IQGAP2: variants seen among roughly 807,000 people sequenced by gnomAD.
IQGAP2 encodes the protein IQ motif containing GTPase activating protein 2.
A neutral mutation model predicts 201.3 loss-of-function variants in IQGAP2; 173 were observed. The ratio of observed to expected loss-of-function variants is 0.86; its 90% confidence interval spans 0.76 to 0.98. IQGAP2 has a LOEUF of 0.98. Ranked by LOEUF, IQGAP2 falls within the 50% of genes least tolerant of loss-of-function variation. The pLI, the probability that IQGAP2 is intolerant of heterozygous loss-of-function variation, is 0.00. For missense variants in IQGAP2, 1,687 were observed against 1,864.8 expected (o/e 0.90, Z 1.76); for synonymous variants, 675 against 673.9 (o/e 1.00, Z -0.03).
At chr5:76,697,860 T>G (rs1327957951) in intron 32 of IQGAP2, 127 bp from the exon 33 acceptor site, 5 of 634,522 alleles carry the variant, frequency 7.9e-6, no homozygotes, top group African/African-American at 3.8e-5. Flanking sequence ...ATAAGGTGCC[T>G]GAGATAAGCT....
chr5:76,500,347 G>A (rs1344724072), intron 2 of IQGAP2, among the ~76,000 whole-genome samples: 1 of 152,136 alleles, frequency 6.6e-6, no homozygotes, highest in Non-Finnish European at 1.5e-5. Context: ...AGACTGTGTG[G>A]CTAAGCATAG....
At chr5:76,418,687 A>G (rs975131513) in intron 1 of IQGAP2, among the ~76,000 whole-genome samples, 3 of 152,074 alleles carry the variant, frequency 2.0e-5, no homozygotes, top group Admixed American at 6.6e-5. Flanking sequence ...AAGGGAAACT[A>G]CTCTGCGAGG....
At chr5:76,550,998 C>T (rs1156366249) in intron 2 of IQGAP2, among the ~76,000 whole-genome samples, 2 of 151,618 alleles carry the variant, frequency 1.3e-5, no homozygotes, top group Non-Finnish European at 2.9e-5. Context: ...CCCCCACCTC[C>T]CTCCCGGACG....
chr5:76,455,174 T>G (rs2150119854), intron 1 of IQGAP2, among the ~76,000 whole-genome samples: 1 of 152,210 alleles, frequency 6.6e-6, no homozygotes, highest in Middle Eastern at 3.4e-3. Context: ...AACAGTCTGA[T>G]GCAGTGGCTC....
intron 2 of IQGAP2, chr5:76,510,550 G>A: frequency 2.3e-6 from 1 of 444,166 alleles, no homozygotes; most frequent in East Asian, 7.1e-5. Context: ...ACCCCGCCAA[G>A]GTATAGAGTC....
chr5:76,600,122 T>A (rs570062075), intron 10 of IQGAP2, among the ~76,000 whole-genome samples: 241 of 152,238 alleles, frequency 1.6e-3, no homozygotes, highest in African/African-American at 5.6e-3. Flanking sequence ...CACCCCAGCC[T>A]GGGCAACAAG....
Position 76,671,848 on chromosome 5 carries a change from A to C in IQGAP2, c.2933A>C (p.Gln978Pro). 2 of 1,614,150 alleles carry C rather than the reference A, an allele frequency of 1.2e-6. No homozygotes were observed. Among genetic ancestry groups the C allele is most frequent in the Non-Finnish European group, 1.7e-6 (2 of 1,180,018 alleles). ...AGCTTCAATAGAGGTGCCCGGGGAC[A>C]GAACACCCTGCGCCAACTCCTGGCT... ...VVSFNRGARG[Q>P]NTLRQLLAPV... Residue 978 changes from glutamine (Q) to proline (P), a missense_variant, in exon 24 of 36, where the codon CAG becomes CCG. Physicochemically the swap from Gln to Pro is moderately conservative, Grantham distance 76. Coordinates refer to ENST00000274364, the MANE Select transcript of IQGAP2 (RefSeq NM_006633.5).
At chr5:76,612,688 C>CA (rs35347756) in intron 13 of IQGAP2, among the ~76,000 whole-genome samples, 59,207 of 148,920 alleles carry the variant, frequency 0.4, 12,977 homozygotes, top group Non-Finnish European at 0.52. Context: ...TGTTGTTAAG[C>CA]AAAAAAAAAA....
intron 1 of IQGAP2, among the ~76,000 whole-genome samples, chr5:76,418,633 A>G (rs530251193): frequency 1.6e-4 from 25 of 152,120 alleles, no homozygotes; most frequent in Non-Finnish European, 3.7e-4. Flanking sequence ...AAAGACTTTA[A>G]GAGTAGTTTC....
At chr5:76,466,260 A>G (rs776505738) in intron 2 of IQGAP2, among the ~76,000 whole-genome samples, 1 of 152,142 alleles carries the variant, frequency 6.6e-6, no homozygotes, top group South Asian at 2.1e-4. Context: ...AAGATCACTC[A>G]GGAGGCTGAG....
chr5:76,665,842 C>A (rs1554082761), intron 22 of IQGAP2, among the ~76,000 whole-genome samples: 1 of 152,178 alleles, frequency 6.6e-6, no homozygotes, highest in Admixed American at 6.5e-5. Context: ...GCCCTACTAG[C>A]ACATACAGCT....
intron 35 of IQGAP2, among the ~76,000 whole-genome samples, chr5:76,705,335 G>A (rs1416025330): frequency 2.0e-5 from 3 of 152,136 alleles, no homozygotes; most frequent in African/African-American, 2.4e-5. Flanking sequence ...AATTGGCAGT[G>A]TTATCCCCAA....
At chr5:76,685,750 T>C (rs1320345012) in intron 30 of IQGAP2, among the ~76,000 whole-genome samples, 1 of 152,224 alleles carries the variant, frequency 6.6e-6, no homozygotes, top group Non-Finnish European at 1.5e-5. Flanking sequence ...CACCACACTA[T>C]GTAGAGCCAG....
intron 13 of IQGAP2, chr5:76,618,036 T>G (rs372276458): frequency 1.9e-6 from 3 of 1,613,938 alleles, no homozygotes; most frequent in Non-Finnish European, 2.5e-6. Context: ...TGGCAGCATA[T>G]ATAAGAAAAC....
rs191959491 is a variant in IQGAP2 at position 76,663,135 on chromosome 5, C to A, written c.2530-1891C>A. Among the ~76,000 whole-genome samples, 4 of 152,330 alleles carry A rather than the reference C, an allele frequency of 2.6e-5. No homozygotes were observed. The East Asian group carries it at 5.8e-4, about 22-fold the overall frequency. On this transcript the variant is annotated intron_variant, in intron 21 of 35. Coordinates refer to ENST00000274364, the MANE Select transcript of IQGAP2 (RefSeq NM_006633.5). The stretch of plus-strand genomic sequence containing the variant: ...GGCAAGACCTGACGGTGGTTCTCAT[C>A]CCCAGGGGCAACTGGAAATGGGGGC...
At chr5:76,504,245 G>A (rs1757465927) in intron 2 of IQGAP2, among the ~76,000 whole-genome samples, 1 of 152,142 alleles carries the variant, frequency 6.6e-6, no homozygotes, top group Non-Finnish European at 1.5e-5. Context: ...TCTACTGTTC[G>A]ACACCTCTTG....
intron 2 of IQGAP2, among the ~76,000 whole-genome samples, chr5:76,462,336 C>T (rs1485416894): frequency 2.0e-5 from 3 of 152,174 alleles, no homozygotes; most frequent in Admixed American, 6.5e-5. Flanking sequence ...ACAGCAATCT[C>T]CTCTTTAAAC....
intron 34 of IQGAP2, among the ~76,000 whole-genome samples, chr5:76,701,471 A>T (rs1174794038): frequency 6.6e-6 from 1 of 152,244 alleles, no homozygotes; most frequent in Non-Finnish European, 1.5e-5. Context: ...GAACTGAGTC[A>T]TAGCAATGAG....
intron 2 of IQGAP2, among the ~76,000 whole-genome samples, chr5:76,502,713 G>A (rs1441961728): frequency 1.3e-5 from 2 of 152,156 alleles, no homozygotes; most frequent in Non-Finnish European, 2.9e-5. Context: ...AAAACAATTT[G>A]TTTCAAAAGA....
Sources: gnomAD v4.1 joint callset for allele counts (sites outside exome capture counted in the v4.1 genomes callset) on GRCh38, gnomAD v4.1.1 for gene constraint, MANE v1.5 for transcripts, NCBI Gene and HGNC (gene_info 2026-07-23, HGNC 2026-07-21) for gene names.